Variants in BST1 observed in about 807,000 individuals in gnomAD.
BST1 encodes the protein bone marrow stromal cell antigen 1, also known as ADP-ribosyl cyclase/cyclic ADP-ribose hydrolase 2.
In BST1, 49 loss-of-function variants were observed where a neutral mutation model predicts 40.6. The observed-to-expected ratio is 1.21, with a 90% CI of 0.96 to 1.53. The LOEUF (loss-of-function observed/expected upper bound fraction) is 1.53, where lower values mean the gene tolerates loss of function less well. Ranked by LOEUF, BST1 falls within the 40% of genes most tolerant of loss-of-function variation. BST1 has a pLI of 0.00. For missense variants in BST1, 423 were observed against 395.9 expected (o/e 1.07, Z -0.58); for synonymous variants, 157 against 159.3 (o/e 0.99, Z 0.11).
At chr4:15,738,402 G>T (rs891006486), downstream of BST1, 2 of 152,464 alleles carry the variant, frequency 1.3e-5, no homozygotes, top group African/African-American at 4.8e-5. Context: ...GGTCAGTCTG[G>T]TGTGTCTAGT....
downstream of BST1, among the ~76,000 whole-genome samples, chr4:15,741,417 G>A (rs887657309): frequency 1.3e-4 from 20 of 152,282 alleles, no homozygotes; most frequent in African/African-American, 4.1e-4. Context: ...CAGATGGATG[G>A]GGAAAGTACT....
Position 15,718,922 on chromosome 4 carries a change from A to C in BST1, c.720A>C (p.Glu240Asp). 6.2e-7 allele frequency: 1 copy of C among 1,614,070 alleles called. No homozygotes were observed. The highest frequency in any genetic ancestry group is 1.1e-5 in the South Asian group (1 of 91,070). Reference protein sequence around the residue: ...IGGPNVESCGEGSMKVLEKRL... With the variant: ...IGGPNVESCGDGSMKVLEKRL... ...CATGTTTTAGGGAATCCTGCGGGGA[A>C]GGCAGCATGAAAGTCCTGGAAAAGA... Residue 240 changes from glutamate to aspartate, a missense_variant, in exon 7 of 9, where the codon GAA (glutamate) becomes GAC (aspartate). Glu to Asp is a conservative substitution (Grantham distance 45). Transcript: ENST00000265016.
Position 15,707,530 on chromosome 4 carries a change from G to T in BST1, c.335G>T (p.Ser112Ile). The T allele has an allele frequency of 6.2e-7, 1 of 1,609,080 alleles. No homozygotes were observed. The highest frequency in any genetic ancestry group is 1.1e-5 in the South Asian group (1 of 90,990). ...CCTTAGTCCCTGTTCTGGGAAAATAGCCACCTCCTTGTTAACAGCTTTGCA... is the reference window on the plus strand; with the variant it reads ...CCTTAGTCCCTGTTCTGGGAAAATATCCACCTCCTTGTTAACAGCTTTGCA... ...PRDKSLFWEN[S>I]HLLVNSFADN... Residue 112 changes from serine to isoleucine, a missense_variant, in exon 3 of 9, where the codon AGC (serine) becomes ATC (isoleucine). Transcript: ENST00000265016.
downstream of BST1, among the ~76,000 whole-genome samples, chr4:15,733,001 GC>G (rs1484561513): frequency 1.3e-5 from 2 of 152,184 alleles, no homozygotes; most frequent in Admixed American, 1.3e-4. Context: ...GACCTTCGCG[GC>G]AAGTGTTACA....
At chr4:15,742,407 C>G (rs1430877974), downstream of BST1, among the ~76,000 whole-genome samples, 1 of 152,200 alleles carries the variant, frequency 6.6e-6, no homozygotes, top group Non-Finnish European at 1.5e-5. Context: ...CATGTGATCT[C>G]TTTGCATACT....
chr4:15,730,107 G>A (rs374476754), intron 8 of BST1, among the ~76,000 whole-genome samples: 2 of 152,278 alleles, frequency 1.3e-5, no homozygotes, highest in Non-Finnish European at 2.9e-5. Context: ...GAAAATGTCC[G>A]GTAGGTGGAG....
intron 8 of BST1, among the ~76,000 whole-genome samples, chr4:15,726,661 T>C (rs1560286843): frequency 1.3e-5 from 2 of 152,192 alleles, no homozygotes; most frequent in Non-Finnish European, 2.9e-5. Flanking sequence ...TAGGTTTGTA[T>C]GGTTTTACTC....
At chr4:15,722,468 T>A (rs546519719) in intron 7 of BST1, among the ~76,000 whole-genome samples, 1 of 152,310 alleles carries the variant, frequency 6.6e-6, no homozygotes, top group East Asian at 1.9e-4. Flanking sequence ...CACTCTGTTA[T>A]CCAGGCTGGA....
At chr4:15,742,624 A>G (rs1721772635), downstream of BST1, among the ~76,000 whole-genome samples, 1 of 152,264 alleles carries the variant, frequency 6.6e-6, no homozygotes, top group Non-Finnish European at 1.5e-5. Context: ...TTTCTTTAGA[A>G]GCAGACCTGT....
At chr4:15,716,925 G>A (rs1034896383) in intron 6 of BST1, among the ~76,000 whole-genome samples, 5 of 152,136 alleles carry the variant, frequency 3.3e-5, no homozygotes, top group Admixed American at 6.5e-5. Context: ...ACAGGTGTCC[G>A]TTACCACGCC....
At chr4:15,708,479 A>G (rs1720014610) in intron 3 of BST1, among the ~76,000 whole-genome samples, 2 of 152,172 alleles carry the variant, frequency 1.3e-5, no homozygotes, top group Non-Finnish European at 2.9e-5. Flanking sequence ...CCACCAGATC[A>G]TCAGGGAAGC....
At chr4:15,762,977 G>C in the BST1 span, among the ~76,000 whole-genome samples, 1 of 151,994 alleles carries the variant, frequency 6.6e-6, no homozygotes, top group East Asian at 1.9e-4. Flanking sequence ...TACTTAGGTT[G>C]ATTTCATATC....
the BST1 span, among the ~76,000 whole-genome samples, chr4:15,763,129 G>A: frequency 6.6e-6 from 1 of 151,884 alleles, no homozygotes; most frequent in African/African-American, 2.4e-5. Flanking sequence ...GGCTCTTGAT[G>A]TTTTTGACAA....
the BST1 span, among the ~76,000 whole-genome samples, chr4:15,746,281 G>T: frequency 6.6e-6 from 1 of 152,178 alleles, no homozygotes; most frequent in Non-Finnish European, 1.5e-5. Flanking sequence ...TCACCACACT[G>T]TTCTTTCTTT....
intron 8 of BST1, among the ~76,000 whole-genome samples, chr4:15,726,681 T>C (rs187508084): frequency 1.5e-4 from 23 of 152,146 alleles, no homozygotes; most frequent in African/African-American, 5.6e-4. Context: ...CTTTGTCTCA[T>C]TAATCAGACT....
intron 6 of BST1, among the ~76,000 whole-genome samples, chr4:15,716,102 C>T (rs1316951392): frequency 6.6e-6 from 1 of 152,154 alleles, no homozygotes; most frequent in African/African-American, 2.4e-5. Context: ...AGGGTCTAAG[C>T]CAGTTTCTCC....
downstream of BST1, among the ~76,000 whole-genome samples, chr4:15,742,056 G>A (rs1721760708): frequency 6.6e-6 from 1 of 152,172 alleles, no homozygotes; most frequent in South Asian, 2.1e-4. Context: ...GCTGTGACAA[G>A]CCCAGAAGCA....
chr4:15,707,451 G>A (rs1055347426), intron 2 of BST1, 60 bp from the exon 3 acceptor site: 3 of 1,609,266 alleles, frequency 1.9e-6, no homozygotes, highest in Non-Finnish European at 2.6e-6. Flanking sequence ...ATGATATTGT[G>A]CCTGAGGAGT....
the BST1 span, among the ~76,000 whole-genome samples, chr4:15,758,018 T>C: frequency 6.6e-6 from 1 of 152,378 alleles, no homozygotes; most frequent in Non-Finnish European, 1.5e-5. Flanking sequence ...ATTTTTATTG[T>C]AAATTGACAA....
Sources: gnomAD v4.1 joint callset for allele counts (sites outside exome capture counted in the v4.1 genomes callset) on GRCh38, gnomAD v4.1.1 for gene constraint, MANE v1.5 for transcripts, NCBI Gene and HGNC (gene_info 2026-07-23, HGNC 2026-07-21) for gene names.